The following PCDH15 variants were observed in gnomAD, a reference collection of about 807,000 sequenced individuals.
PCDH15 encodes the protein protocadherin related 15, also known as protocadherin-15.
PCDH15 carries 129 observed loss-of-function variants against 178.5 expected under a neutral mutation model. That is an observed-to-expected ratio of 0.72 (90% CI 0.63 to 0.84). PCDH15 has a LOEUF of 0.84. PCDH15 is among the 40% of genes least tolerant of loss of function. The pLI is 0.00. For missense variants in PCDH15, 2,230 were observed against 2,099.9 expected (o/e 1.06, Z -1.21); for synonymous variants, 800 against 732.0 (o/e 1.09, Z -1.50).
At chr10:54,888,795 T>C (rs1954407616) in intron 3 of PCDH15, among the ~76,000 whole-genome samples, 1 of 151,352 alleles carries the variant, frequency 6.6e-6, no homozygotes, top group South Asian at 2.1e-4. Context: ...TTTTCTTTTT[T>C]TTTTTTTTAA....
chr10:55,474,137 A>G (rs1840017758), intron 2 of PCDH15, among the ~76,000 whole-genome samples: 1 of 152,198 alleles, frequency 6.6e-6, no homozygotes, highest in Non-Finnish European at 1.5e-5. Flanking sequence ...ACAAAATTCA[A>G]GATCAGATGT....
At chr10:55,363,114 C>A (rs1030387712) in intron 2 of PCDH15, among the ~76,000 whole-genome samples, 1 of 152,092 alleles carries the variant, frequency 6.6e-6, no homozygotes, top group South Asian at 2.1e-4. Flanking sequence ...TCTTATGTAA[C>A]CATTTGAGAT....
intron 2 of PCDH15, among the ~76,000 whole-genome samples, chr10:55,482,260 G>A (rs1228371652): frequency 1.3e-5 from 2 of 151,750 alleles, no homozygotes; most frequent in African/African-American, 4.8e-5. Flanking sequence ...GCATACTAAT[G>A]GGTCTTGGTT....
chr10:55,547,908 TGTGAGAGA>T (rs1841920604), intron 2 of PCDH15, among the ~76,000 whole-genome samples: 1 of 35,284 alleles, frequency 2.8e-5, no homozygotes, highest in African/African-American at 1.3e-4. Context: ...TGTGTGTGTG[TGTGAGAGA>T]GAGAGAGAGA....
chr10:53,909,930 C>T (rs1456576664), intron 25 of PCDH15, among the ~76,000 whole-genome samples: 7 of 152,246 alleles, frequency 4.6e-5, no homozygotes, highest in African/African-American at 1.2e-4. Context: ...GATCAATCTG[C>T]GAGGCAGCAG....
chr10:54,284,312 T>C (rs1260055727), intron 8 of PCDH15, among the ~76,000 whole-genome samples: 1 of 152,222 alleles, frequency 6.6e-6, no homozygotes, highest in Non-Finnish European at 1.5e-5. Context: ...GCTTTGAAAG[T>C]AGCTGCCTTC....
chr10:54,575,010 T>C (rs966667026), intron 2 of PCDH15, among the ~76,000 whole-genome samples: 1 of 148,952 alleles, frequency 6.7e-6, no homozygotes, highest in Non-Finnish European at 1.5e-5. Flanking sequence ...GGGACATGGA[T>C]GATATTGGAA....
At chr10:55,535,170 TAGA>T (rs935992053) in intron 2 of PCDH15, among the ~76,000 whole-genome samples, 1 of 152,102 alleles carries the variant, frequency 6.6e-6, no homozygotes, top group East Asian at 1.9e-4. Context: ...GTATCTAAAG[TAGA>T]AGTTTAATTT....
intron 4 of PCDH15, among the ~76,000 whole-genome samples, chr10:54,378,253 A>C (rs1036517744): frequency 1.3e-5 from 2 of 152,096 alleles, no homozygotes; most frequent in African/African-American, 4.8e-5. Flanking sequence ...TAATAAAAAA[A>C]AATTTATGCT....
At chr10:55,160,045 C>T (rs557305822) in intron 2 of PCDH15, among the ~76,000 whole-genome samples, 1 of 150,790 alleles carries the variant, frequency 6.6e-6, no homozygotes, top group South Asian at 2.1e-4. Flanking sequence ...TTCAATTCCC[C>T]CATGAAAGAG....
rs1379820000 is a variant in PCDH15, at chr10:54,730,969, G to C, written c.-28-66679C>G. Among the ~76,000 whole-genome samples, 5 of 151,430 alleles carry C rather than the reference G, an allele frequency of 3.3e-5. No individual in the cohort carries two copies. The South Asian group carries it at 1.0e-3, about 31-fold the overall frequency. ...AAAAGAAAACAATCTAGAAAGTAAA[G>C]AGACAGCCAGAGAATGGAAGAAAAT... On this transcript the variant is annotated intron_variant, in intron 1 of 37. Coordinates refer to ENST00000644397, the MANE Select transcript of PCDH15 (RefSeq NM_001384140.1).
chr10:53,983,178 C>T (rs1029500107), intron 21 of PCDH15, among the ~76,000 whole-genome samples: 2 of 151,798 alleles, frequency 1.3e-5, no homozygotes, highest in African/African-American at 4.8e-5. Flanking sequence ...TATGATTTAA[C>T]ATCAGGAATT....
chr10:54,853,812 G>A (rs962098970), intron 3 of PCDH15, among the ~76,000 whole-genome samples: 3 of 152,086 alleles, frequency 2.0e-5, no homozygotes, highest in African/African-American at 7.2e-5. Context: ...TTTACAAAAC[G>A]TTCTTTTCAA....
intron 2 of PCDH15, among the ~76,000 whole-genome samples, chr10:55,408,842 A>T (rs1158993753): frequency 6.6e-6 from 1 of 152,090 alleles, no homozygotes; most frequent in East Asian, 1.9e-4. Flanking sequence ...TAAGTCATGG[A>T]TGATCTGCAC....
At chr10:54,570,149 AT>A (rs2089612060) in intron 2 of PCDH15, among the ~76,000 whole-genome samples, 1 of 152,030 alleles carries the variant, frequency 6.6e-6, no homozygotes, top group Admixed American at 6.6e-5. Context: ...AGGAGAATGG[AT>A]CAACTACAAG....
At chr10:54,498,432 T>C (rs2080334906) in intron 3 of PCDH15, among the ~76,000 whole-genome samples, 1 of 152,166 alleles carries the variant, frequency 6.6e-6, no homozygotes, top group South Asian at 2.1e-4. Context: ...AACACTGTGA[T>C]GACATAAAAC....
At chr10:55,546,252 T>C (rs555273896) in intron 2 of PCDH15, among the ~76,000 whole-genome samples, 8 of 152,274 alleles carry the variant, frequency 5.3e-5, no homozygotes, top group South Asian at 2.1e-4. Flanking sequence ...TTTCTCATAA[T>C]TGATATTTCC....
chr10:53,822,463 G>A lies in PCDH15; in HGVS notation c.4368-2233C>T, dbSNP rs768408753. On this transcript the variant is annotated intron_variant, in intron 32 of 37. Coordinates refer to ENST00000644397, the MANE Select transcript of PCDH15 (RefSeq NM_001384140.1). ...GCAGGAGCAGGAGGAGGAGAAGGAGGAGAAATAGGAGGAGGAGGGGGAAGG... is the reference window on the plus strand; with the variant it reads ...GCAGGAGCAGGAGGAGGAGAAGGAGAAGAAATAGGAGGAGGAGGGGGAAGG... 14 of 1,604,454 alleles carry A rather than the reference G, an allele frequency of 8.7e-6. No individual in the cohort carries two copies. The South Asian group carries it at 8.9e-5, about 10-fold the overall frequency.
chr10:54,734,323 C>A (rs990194504), intron 1 of PCDH15, among the ~76,000 whole-genome samples: 1 of 151,758 alleles, frequency 6.6e-6, no homozygotes, highest in African/African-American at 2.4e-5. Flanking sequence ...CAACAACAGT[C>A]ATTAGGGGCA....
Sources: allele counts gnomAD v4.1 joint callset (sites outside exome capture counted in the v4.1 genomes callset), GRCh38; gene constraint gnomAD v4.1.1; transcripts MANE v1.5; gene names NCBI Gene and HGNC (gene_info 2026-07-23, HGNC 2026-07-21).